The following KCNAB1 variants were observed in gnomAD, a reference collection of about 807,000 sequenced individuals.
KCNAB1 encodes the protein voltage-gated potassium channel subunit beta-1.
Under a neutral mutation model 64.6 loss-of-function variants are expected in KCNAB1, and 35 were observed. The observed-to-expected ratio is 0.54, with a 90% CI of 0.41 to 0.72. The LOEUF is 0.72. KCNAB1 is among the 30% of genes least tolerant of loss of function. The pLI is 0.00. For missense variants in KCNAB1, 401 were observed against 512.9 expected, an observed-to-expected ratio of 0.78 and a Z score of 2.11; for synonymous variants, 177 against 183.8, an observed-to-expected ratio of 0.96 and a Z score of 0.30.
At chr3:156,153,374 C>A (rs4472010) in intron 1 of KCNAB1, among the ~76,000 whole-genome samples, 89,987 of 151,996 alleles carry the variant, frequency 0.59, 27,438 homozygotes, top group East Asian at 0.92. Context: ...GCATAGCCCA[C>A]TGTATGTTTG....
At chr3:156,457,125 C>T (rs907057759) in intron 3 of KCNAB1, 60 of 862,554 alleles carry the variant, frequency 7.0e-5, no homozygotes, top group Non-Finnish European at 3.8e-5. Context: ...TACAAATGGC[C>T]CTCTTTGTCA....
At position 156,126,433 on chromosome 3, in the gene KCNAB1, C is replaced by A. The variant is rs554266700; in HGVS notation, c.275+5547C>A. ...AAGCTGATCTGTGGATGTTTTTAGG[C>A]AAAGGGGAGGAGTCCAGGGGAGAGA... is the stretch of plus-strand genomic sequence containing the variant. On this transcript the variant is annotated intron_variant, in intron 1 of 13. Transcript: ENST00000490337. Among the ~76,000 whole-genome samples the A allele has an allele frequency of 3.2e-3, 486 of 152,160 alleles. 2 individuals are homozygous for A. Among genetic ancestry groups the A allele is most frequent in the African/African-American group, 0.011 (456 of 41,508 alleles).
intron 2 of KCNAB1, among the ~76,000 whole-genome samples, chr3:156,432,532 G>A (rs78012168): frequency 0.078 from 11,911 of 152,140 alleles, 906 homozygotes; most frequent in African/African-American, 0.21. Context: ...GGAAAAAGAG[G>A]CTACCAACAC....
intron 1 of KCNAB1, among the ~76,000 whole-genome samples, chr3:156,385,623 AC>A (rs970369223): frequency 3.9e-5 from 6 of 152,202 alleles, no homozygotes; most frequent in South Asian, 2.1e-4. Context: ...ACTAAGAGAA[AC>A]TTTTGTAGAA....
intron 1 of KCNAB1, among the ~76,000 whole-genome samples, chr3:156,333,319 A>AACACACACACACACAC (rs10641743): frequency 2.8e-5 from 4 of 143,392 alleles, no homozygotes; most frequent in African/African-American, 1.1e-4. Flanking sequence ...CGCACATAGA[A>AACACACACACACACAC]ACACACACAC....
chr3:156,426,726 G>A (rs1272407917), intron 2 of KCNAB1, among the ~76,000 whole-genome samples: 2 of 152,142 alleles, frequency 1.3e-5, no homozygotes, highest in African/African-American at 4.8e-5. Flanking sequence ...GAATCATATA[G>A]TATGTAGCCT....
chr3:156,191,295 C>G (rs1170270889), intron 1 of KCNAB1, among the ~76,000 whole-genome samples: 23 of 152,236 alleles, frequency 1.5e-4, no homozygotes. Flanking sequence ...TGACCTGTCA[C>G]TAGGGAACCT....
Position 156,433,192 on chromosome 3 carries a change from G to A in KCNAB1, c.319+11533G>A, listed in dbSNP as rs142269550. ...AGCCTATCTAGGGAGTGGAGGAGAC[G>A]TGGTTCTCAGGATGAATCAGATCCT... On this transcript the variant is annotated intron_variant, in intron 2 of 13. Coordinates refer to ENST00000490337, the MANE Select transcript of KCNAB1 (RefSeq NM_172160.3). Among the ~76,000 whole-genome samples, 1,465 of 152,298 alleles carry A rather than the reference G, an allele frequency of 9.6e-3. 16 individuals are homozygous for A. Among genetic ancestry groups the A allele is most frequent in the African/African-American group, 0.034 (1,402 of 41,550 alleles).
intron 1 of KCNAB1, among the ~76,000 whole-genome samples, chr3:156,284,347 C>G (rs1021255226): frequency 1.5e-3 from 223 of 152,168 alleles, no homozygotes; most frequent in African/African-American, 1.8e-3. Context: ...GCTGCGTGCT[C>G]GGAGAACCAC....
intron 1 of KCNAB1, among the ~76,000 whole-genome samples, chr3:156,330,740 A>T (rs1723279630): frequency 6.6e-6 from 1 of 152,082 alleles, no homozygotes; most frequent in African/African-American, 2.4e-5. Flanking sequence ...ACGGAGCTCC[A>T]AGCATGTTTT....
chr3:156,459,277 G>A (rs145672719), intron 4 of KCNAB1, among the ~76,000 whole-genome samples: 183 of 152,270 alleles, frequency 1.2e-3, no homozygotes, highest in Middle Eastern at 6.8e-3. Flanking sequence ...AGGACACTTC[G>A]TTATGTCTTC....
At chr3:156,284,768 G>T (rs953035646) in intron 1 of KCNAB1, among the ~76,000 whole-genome samples, 2 of 152,210 alleles carry the variant, frequency 1.3e-5, no homozygotes, top group Non-Finnish European at 2.9e-5. Flanking sequence ...ACTCAGAAAG[G>T]GAACTCCCTG....
intron 1 of KCNAB1, among the ~76,000 whole-genome samples, chr3:156,373,130 A>G (rs1037877241): frequency 2.0e-5 from 3 of 152,278 alleles, no homozygotes; most frequent in Non-Finnish European, 4.4e-5. Context: ...TGGAAAACAC[A>G]GGCAGCTCTG....
At chr3:156,485,233 GT>G (rs1208170324) in intron 8 of KCNAB1, among the ~76,000 whole-genome samples, 5 of 152,158 alleles carry the variant, frequency 3.3e-5, no homozygotes, top group Non-Finnish European at 7.4e-5. Context: ...GCAAGAGCTT[GT>G]TCCATAGCTC....
intron 1 of KCNAB1, among the ~76,000 whole-genome samples, chr3:156,230,657 A>T (rs1716462407): frequency 6.6e-6 from 1 of 152,162 alleles, no homozygotes; most frequent in African/African-American, 2.4e-5. Context: ...CATCCAAATA[A>T]ATATACACAC....
At chr3:156,351,313 T>G (rs1018474641) in intron 1 of KCNAB1, among the ~76,000 whole-genome samples, 4 of 152,174 alleles carry the variant, frequency 2.6e-5, no homozygotes, top group African/African-American at 9.7e-5. Flanking sequence ...AAAGGGAAGC[T>G]CCACGTCAGG....
intron 1 of KCNAB1, among the ~76,000 whole-genome samples, chr3:156,350,230 G>T (rs1438088400): frequency 6.6e-6 from 1 of 152,100 alleles, no homozygotes; most frequent in Admixed American, 6.5e-5. Context: ...AGATAAATGA[G>T]ATAAAAAGCT....
At chr3:156,309,077 G>A (rs955124660) in intron 1 of KCNAB1, among the ~76,000 whole-genome samples, 2 of 151,908 alleles carry the variant, frequency 1.3e-5, no homozygotes, top group Admixed American at 1.3e-4. Flanking sequence ...TTTCAAAACT[G>A]GAAATCAAAC....
intron 8 of KCNAB1, among the ~76,000 whole-genome samples, chr3:156,485,131 TA>T (rs1345217883): frequency 6.6e-6 from 1 of 152,140 alleles, no homozygotes; most frequent in East Asian, 1.9e-4. Flanking sequence ...GAAGATGTAA[TA>T]ATCAAAGTTT....
Sources: gnomAD v4.1 joint callset for allele counts (sites outside exome capture counted in the v4.1 genomes callset) on GRCh38, gnomAD v4.1.1 for gene constraint, MANE v1.5 for transcripts, NCBI Gene and HGNC (gene_info 2026-07-23, HGNC 2026-07-21) for gene names.